The following CEP112 variants were observed in gnomAD, a reference collection of about 807,000 sequenced individuals.
CEP112 encodes centrosomal protein 112.
A neutral mutation model predicts 153.0 loss-of-function variants in CEP112; 127 were observed. That is an observed-to-expected ratio of 0.83 (90% CI 0.72 to 0.96). The LOEUF is 0.96. CEP112 is among the 40% of genes least tolerant of loss of function. The pLI, the probability that CEP112 is intolerant of heterozygous loss-of-function variation, is 0.00. For missense variants in CEP112, 1,089 were observed against 1,101.2 expected, an observed-to-expected ratio of 0.99 and a Z score of 0.16; for synonymous variants, 358 against 374.4, an observed-to-expected ratio of 0.96 and a Z score of 0.51.
chr17:66,084,525 T>C (rs1053941361), intron 8 of CEP112, among the ~76,000 whole-genome samples: 6 of 152,170 alleles, frequency 3.9e-5, no homozygotes, highest in African/African-American at 1.4e-4. Context: ...TGGATGGAAC[T>C]GGAGGTTACT....
At chr17:65,718,938 G>A (rs780839460) in intron 23 of CEP112, among the ~76,000 whole-genome samples, 1 of 152,176 alleles carries the variant, frequency 6.6e-6, no homozygotes, top group Non-Finnish European at 1.5e-5. Flanking sequence ...AGAGAGAAAG[G>A]GAAAGAAAAG....
At chr17:65,927,835 A>C (rs1182976235) in intron 18 of CEP112, 146 bp from the exon 19 acceptor site, 5 of 432,856 alleles carry the variant, frequency 1.2e-5, no homozygotes, top group Non-Finnish European at 1.6e-5. Context: ...ATAATGAGAC[A>C]TTTATCAATT....
intron 21 of CEP112, among the ~76,000 whole-genome samples, chr17:65,824,615 G>A (rs1015344637): frequency 5.3e-5 from 8 of 152,232 alleles, no homozygotes; most frequent in African/African-American, 1.4e-4. Flanking sequence ...AAAGGAGGAA[G>A]GCAGGGACAT....
chr17:66,156,332 T>A (rs1466406330), intron 4 of CEP112, among the ~76,000 whole-genome samples: 2 of 151,878 alleles, frequency 1.3e-5, no homozygotes, highest in South Asian at 2.1e-4. Flanking sequence ...AGGAATAGCA[T>A]CAACATCAAC....
At chr17:65,894,094 A>G (rs1224668544) in intron 20 of CEP112, among the ~76,000 whole-genome samples, 1 of 152,126 alleles carries the variant, frequency 6.6e-6, no homozygotes, top group Non-Finnish European at 1.5e-5. Context: ...TATTCATCCA[A>G]TACTTTCTCA....
At chr17:65,728,399 A>G (rs1408698766) in intron 23 of CEP112, among the ~76,000 whole-genome samples, 3 of 152,182 alleles carry the variant, frequency 2.0e-5, no homozygotes, top group African/African-American at 7.2e-5. Flanking sequence ...AAAAAGAACA[A>G]GAGGTTGGTA....
At chr17:66,039,607 G>A (rs1000705625) in intron 12 of CEP112, among the ~76,000 whole-genome samples, 8 of 152,042 alleles carry the variant, frequency 5.3e-5, no homozygotes, top group Non-Finnish European at 1.2e-4. Context: ...ATGTCTTAAA[G>A]ATACATACGT....
At chr17:66,152,871 T>C (rs759272867) in intron 4 of CEP112, among the ~76,000 whole-genome samples, 2 of 152,170 alleles carry the variant, frequency 1.3e-5, no homozygotes, top group Non-Finnish European at 2.9e-5. Flanking sequence ...AGCAGATAAC[T>C]ATTAGAACAG....
At chr17:65,868,217 G>A (rs1036740244) in intron 20 of CEP112, among the ~76,000 whole-genome samples, 1 of 152,026 alleles carries the variant, frequency 6.6e-6, no homozygotes, top group Non-Finnish European at 1.5e-5. Context: ...ATACATTGAT[G>A]ACCAGGTGCA....
At chr17:66,051,406 T>G (rs886939011) in intron 12 of CEP112, among the ~76,000 whole-genome samples, 1 of 148,984 alleles carries the variant, frequency 6.7e-6, no homozygotes. Context: ...ATGTATATAT[T>G]ATATACTTAA....
At chr17:66,080,208 C>T (rs1053229283) in intron 8 of CEP112, among the ~76,000 whole-genome samples, 23 of 152,078 alleles carry the variant, frequency 1.5e-4, no homozygotes, top group Non-Finnish European at 3.4e-4. Flanking sequence ...AAACTATCAT[C>T]GGAGTGAACA....
At chr17:65,680,840 G>A (rs1485993160) in intron 24 of CEP112, among the ~76,000 whole-genome samples, 1 of 152,170 alleles carries the variant, frequency 6.6e-6, no homozygotes, top group Admixed American at 6.5e-5. Flanking sequence ...AAGGCGGCAG[G>A]AGACAGAGTG....
At chr17:65,822,092 T>G (rs1019010311) in intron 21 of CEP112, among the ~76,000 whole-genome samples, 1 of 151,922 alleles carries the variant, frequency 6.6e-6, no homozygotes, top group African/African-American at 2.4e-5. Context: ...TTTTAAAATA[T>G]TTCTATATCA....
chr17:65,878,689 C>CT (rs2058936949), intron 20 of CEP112, among the ~76,000 whole-genome samples: 1 of 152,040 alleles, frequency 6.6e-6, no homozygotes, highest in South Asian at 2.1e-4. Context: ...TCAAGAGGCT[C>CT]TGGGCTCTGG....
intron 4 of CEP112, among the ~76,000 whole-genome samples, chr17:66,152,836 C>T (rs2071265730): frequency 6.6e-6 from 1 of 152,088 alleles, no homozygotes; most frequent in South Asian, 2.1e-4. Flanking sequence ...CTCTGCTTGG[C>T]CCATTGTATG....
At chr17:66,133,263 C>G (rs545381253) in intron 4 of CEP112, among the ~76,000 whole-genome samples, 276 of 151,988 alleles carry the variant, frequency 1.8e-3, no homozygotes, top group Non-Finnish European at 3.3e-3. Context: ...CCATTTTTCC[C>G]AAGTGTAAAA....
intron 21 of CEP112, among the ~76,000 whole-genome samples, chr17:65,778,838 C>CAA (rs957175352): frequency 6.6e-6 from 1 of 151,528 alleles, no homozygotes; most frequent in Non-Finnish European, 1.5e-5. Flanking sequence ...TAAATTTACC[C>CAA]AAAAAAAGGC....
At chr17:65,953,061 T>C (rs1204848171) in intron 18 of CEP112, among the ~76,000 whole-genome samples, 1 of 152,184 alleles carries the variant, frequency 6.6e-6, no homozygotes. Flanking sequence ...TTTTCTGGTT[T>C]GCCTTGTTTT....
At chr17:66,046,981 G>A (rs932506962) in intron 12 of CEP112, among the ~76,000 whole-genome samples, 1 of 152,174 alleles carries the variant, frequency 6.6e-6, no homozygotes, top group Non-Finnish European at 1.5e-5. Flanking sequence ...CTTCAAAACT[G>A]TGAGGCAATA....
Sources: allele counts gnomAD v4.1 joint callset (sites outside exome capture counted in the v4.1 genomes callset), GRCh38; gene constraint gnomAD v4.1.1; transcripts MANE v1.5; gene names NCBI Gene and HGNC (gene_info 2026-07-23, HGNC 2026-07-21).